The following RBMS1 variants were observed in gnomAD, a reference collection of about 807,000 sequenced individuals.
RBMS1 encodes RNA binding motif single stranded interacting protein 1, also known as RNA-binding motif, single-stranded-interacting protein 1.
RBMS1 carries 17 observed loss-of-function variants against 62.3 expected under a neutral mutation model. That is an observed-to-expected ratio of 0.27 (90% CI 0.19 to 0.41). The LOEUF (loss-of-function observed/expected upper bound fraction) is 0.41, where lower values mean the gene tolerates loss of function less well. RBMS1 is among the 10% of genes least tolerant of loss of function. The pLI, the probability that RBMS1 is intolerant of heterozygous loss-of-function variation, is 1.00. For synonymous variants in RBMS1, 172 were observed against 170.0 expected, an observed-to-expected ratio of 1.01 and a Z score of -0.09; for missense variants, 334 against 504.5, an observed-to-expected ratio of 0.66 and a Z score of 3.24.
At chr2:160,405,147 A>G (rs1695632854) in intron 1 of RBMS1, among the ~76,000 whole-genome samples, 1 of 152,272 alleles carries the variant, frequency 6.6e-6, no homozygotes, top group Non-Finnish European at 1.5e-5. Flanking sequence ...CAGGTAGTGA[A>G]GTACTCAATG....
intron 1 of RBMS1, among the ~76,000 whole-genome samples, chr2:160,465,863 C>CAG (rs1164524473): frequency 9.2e-6 from 1 of 108,382 alleles, no homozygotes; most frequent in South Asian, 3.3e-4. Flanking sequence ...CACACACACA[C>CAG]ATACACACAC....
intron 1 of RBMS1, among the ~76,000 whole-genome samples, chr2:160,416,731 T>C (rs890977725): frequency 1.3e-5 from 2 of 152,190 alleles, no homozygotes; most frequent in Non-Finnish European, 2.9e-5. Context: ...GTCCTTGTAA[T>C]TGCTATACAA....
intron 1 of RBMS1, among the ~76,000 whole-genome samples, chr2:160,373,684 T>C (rs1440160083): frequency 6.6e-6 from 1 of 152,006 alleles, no homozygotes; most frequent in Admixed American, 6.5e-5. Flanking sequence ...TTTAAATTAA[T>C]CACCACAAAA....
intron 1 of RBMS1, among the ~76,000 whole-genome samples, chr2:160,478,308 G>T (rs529726958): frequency 1.3e-5 from 2 of 152,288 alleles, no homozygotes; most frequent in East Asian, 1.9e-4. Flanking sequence ...CCACGGTGAA[G>T]GACGCTTAAA....
intron 4 of RBMS1, among the ~76,000 whole-genome samples, chr2:160,311,232 C>CTATATATATATATATATATATATA (rs10530445): frequency 1.3e-5 from 1 of 79,250 alleles, no homozygotes; most frequent in African/African-American, 4.4e-5. Flanking sequence ...ATCTATCTAT[C>CTATATATATATATATATATATATA]TATATATATA....
chr2:160,421,811 G>T (rs145076545), intron 1 of RBMS1, among the ~76,000 whole-genome samples: 3,927 of 152,236 alleles, frequency 0.026, 161 homozygotes, highest in African/African-American at 0.087. Context: ...CAGCACCTGT[G>T]GTTTCCTGAC....
chr2:160,482,922 A>G (rs1177076502), intron 1 of RBMS1, among the ~76,000 whole-genome samples: 4 of 152,210 alleles, frequency 2.6e-5, no homozygotes, highest in African/African-American at 4.8e-5. Flanking sequence ...GTCAAATCAA[A>G]TTTTGAAGGC....
At chr2:160,491,372 C>T (rs1454610874) in intron 1 of RBMS1, among the ~76,000 whole-genome samples, 2 of 152,222 alleles carry the variant, frequency 1.3e-5, no homozygotes, top group Non-Finnish European at 2.9e-5. Flanking sequence ...ATGTCATTTA[C>T]CGCAACACAA....
intron 2 of RBMS1, among the ~76,000 whole-genome samples, chr2:160,351,755 T>A (rs953073729): frequency 6.6e-6 from 1 of 152,068 alleles, no homozygotes; most frequent in African/African-American, 2.4e-5. Context: ...ATGCATTAGA[T>A]ATCCAAAATA....
intron 1 of RBMS1, among the ~76,000 whole-genome samples, chr2:160,448,781 T>C (rs909475710): frequency 1.3e-5 from 2 of 148,372 alleles, no homozygotes; most frequent in African/African-American, 5.0e-5. Flanking sequence ...GGAGCCCCTC[T>C]GCCCAGCCAC....
At chr2:160,327,398 T>A (rs1314839821) in intron 2 of RBMS1, among the ~76,000 whole-genome samples, 1 of 152,168 alleles carries the variant, frequency 6.6e-6, no homozygotes, top group Non-Finnish European at 1.5e-5. Context: ...TATAAAACAC[T>A]AAAACTATCT....
chr2:160,331,136 C>A (rs1252405317), intron 2 of RBMS1, among the ~76,000 whole-genome samples: 1 of 152,146 alleles, frequency 6.6e-6, no homozygotes. Context: ...GGATTTCTAG[C>A]CTCCACAACC....
rs538494664 is a variant in RBMS1 at position 160,423,629 on chromosome 2, CT to C, written c.76-56239del. On this transcript the variant is annotated intron_variant, in intron 1 of 13. Transcript: ENST00000348849. ...CTCTTTTGGGGTCCTCCTTTACCAT[CT>C]TTTTTTCTCTGCTCTAGGTTCTTTT... 2.2e-3 allele frequency among the ~76,000 whole-genome samples: 340 copies of C among 152,294 alleles called. 1 individual carries two copies. Among genetic ancestry groups the C allele is most frequent in the African/African-American group, 7.8e-3 (324 of 41,560 alleles).
chr2:160,376,614 T>C (rs1021477053), intron 1 of RBMS1, among the ~76,000 whole-genome samples: 1 of 151,780 alleles, frequency 6.6e-6, no homozygotes, highest in Admixed American at 6.6e-5. Context: ...TATGTATTTC[T>C]TTTTTTTATT....
intron 1 of RBMS1, among the ~76,000 whole-genome samples, chr2:160,413,587 G>A (rs1158416026): frequency 6.6e-6 from 1 of 152,094 alleles, no homozygotes; most frequent in East Asian, 1.9e-4. Context: ...AATCCTAGAA[G>A]GTATAGAGAA....
intron 1 of RBMS1, among the ~76,000 whole-genome samples, chr2:160,490,661 G>C (rs557379421): frequency 6.6e-6 from 1 of 152,172 alleles, no homozygotes; most frequent in South Asian, 2.1e-4. Flanking sequence ...CAAGAAGAAT[G>C]GTTTGGCATA....
intron 1 of RBMS1, among the ~76,000 whole-genome samples, chr2:160,448,652 A>G (rs2105314085): frequency 6.6e-6 from 1 of 151,652 alleles, no homozygotes; most frequent in East Asian, 1.9e-4. Flanking sequence ...TACGACCTCC[A>G]CCTCCCAGCC....
intron 1 of RBMS1, among the ~76,000 whole-genome samples, chr2:160,388,602 C>T (rs1363441105): frequency 6.6e-6 from 1 of 152,166 alleles, no homozygotes. Flanking sequence ...ACAGAGTCCA[C>T]CTTTCAACTC....
chr2:160,392,353 T>C (rs958005342), intron 1 of RBMS1, among the ~76,000 whole-genome samples: 8 of 152,168 alleles, frequency 5.3e-5, no homozygotes, highest in African/African-American at 1.4e-4. Context: ...GCCCATTTGT[T>C]TATATATTAT....
Sources: allele counts gnomAD v4.1 joint callset (sites outside exome capture counted in the v4.1 genomes callset), GRCh38; gene constraint gnomAD v4.1.1; transcripts MANE v1.5; gene names NCBI Gene and HGNC (gene_info 2026-07-23, HGNC 2026-07-21).